The following C20orf203 variants were observed in gnomAD, a reference collection of about 807,000 sequenced individuals.
The protein encoded by C20orf203 is chromosome 20 open reading frame 203.
In C20orf203, 16 loss-of-function variants were observed where a neutral mutation model predicts 15.9. The observed-to-expected ratio is 1.01, with a 90% CI of 0.68 to 1.53. The LOEUF is 1.53. Ranked by LOEUF, C20orf203 falls within the 40% of genes most tolerant of loss-of-function variation. The pLI is 0.00. For synonymous variants in C20orf203, 98 were observed against 97.2 expected (o/e 1.01, Z -0.05); for missense variants, 263 against 247.5 (o/e 1.06, Z -0.42).
intron 1 of C20orf203, among the ~76,000 whole-genome samples, chr20:32,668,977 G>T (rs1027611145): frequency 6.6e-6 from 1 of 152,014 alleles, no homozygotes; most frequent in Non-Finnish European, 1.5e-5. Flanking sequence ...GATGGTACAA[G>T]ACTCATCTCT....
rs117319473 is a variant in C20orf203 at position 32,653,674 on chromosome 20, G to A, written c.-263-1693C>T. Among the ~76,000 whole-genome samples the A allele has an allele frequency of 9.3e-3, 1,413 of 152,232 alleles. 11 individuals are homozygous for A. The highest frequency in any genetic ancestry group is 0.019 in the South Asian group (93 of 4,818). ...ACAAGACAAGGATGTCCACTCTTAC[G>A]GCAAAGTTGAATTCACGACTTGTAT... On this transcript the variant is annotated intron_variant, in intron 1 of 5. Coordinates refer to ENST00000608990, the MANE Select transcript of C20orf203 (RefSeq NM_182584.4).
intron 4 of C20orf203, among the ~76,000 whole-genome samples, chr20:32,642,239 A>G (rs2063012646): frequency 6.6e-6 from 1 of 152,198 alleles, no homozygotes; most frequent in Admixed American, 6.5e-5. Flanking sequence ...GACACTGCAC[A>G]CACCCCCATG....
At chr20:32,664,114 G>A (rs1982962924) in intron 1 of C20orf203, among the ~76,000 whole-genome samples, 1 of 152,212 alleles carries the variant, frequency 6.6e-6, no homozygotes, top group Non-Finnish European at 1.5e-5. Context: ...ATGTGGGAGT[G>A]GAGCACCCAG....
At chr20:32,673,185 G>T (rs1983213822) in intron 1 of C20orf203, among the ~76,000 whole-genome samples, 1 of 152,160 alleles carries the variant, frequency 6.6e-6, no homozygotes, top group East Asian at 1.9e-4. Flanking sequence ...CTCCTGAGGA[G>T]CCCCAGGGCT....
At position 32,655,251 on chromosome 20, in the gene C20orf203, G is replaced by GA. The variant is rs549175572; in HGVS notation, c.-263-3271dup. On this transcript the variant is annotated intron_variant, in intron 1 of 5. Transcript: ENST00000608990. The stretch of plus-strand genomic sequence containing the variant: ...GATACCAAAAGCACAAGCAACCAAA[G>GA]AAAAAATAGACTAGGCTTCATCAGA... Among the ~76,000 whole-genome samples, 813 of 152,160 alleles carry GA rather than the reference G, an allele frequency of 5.3e-3. 8 individuals carry two copies. The highest frequency in any genetic ancestry group is 0.018 in the African/African-American group (762 of 41,520).
intron 5 of C20orf203, among the ~76,000 whole-genome samples, chr20:32,639,555 C>T (rs768919312): frequency 2.5e-4 from 37 of 151,000 alleles, no homozygotes; most frequent in South Asian, 4.2e-4. Flanking sequence ...GCTGGAGGAT[C>T]GCTTGAGCAC....
chr20:32,634,347 C>A, intron 5 of C20orf203, 77 bp from the exon 6 acceptor site: 2 of 397,042 alleles, frequency 5.0e-6, no homozygotes, highest in Non-Finnish European at 8.9e-6. Flanking sequence ...ATGGACAAAG[C>A]GGTGGAAGAC....
intron 1 of C20orf203, among the ~76,000 whole-genome samples, chr20:32,663,197 C>T (rs6058793): frequency 7.9e-5 from 12 of 152,050 alleles, no homozygotes; most frequent in African/African-American, 2.4e-4. Flanking sequence ...ATCCACCCAC[C>T]TCGGCCTCCC....
At chr20:32,654,773 G>C (rs1335821299) in intron 1 of C20orf203, among the ~76,000 whole-genome samples, 29 of 152,178 alleles carry the variant, frequency 1.9e-4, no homozygotes, top group Admixed American at 1.9e-3. Flanking sequence ...GAACCTGGGA[G>C]GTAGAGATTG....
At chr20:32,653,103 T>C (rs1480942302) in intron 1 of C20orf203, among the ~76,000 whole-genome samples, 1 of 152,184 alleles carries the variant, frequency 6.6e-6, no homozygotes, top group Non-Finnish European at 1.5e-5. Flanking sequence ...GGGCGCCCTC[T>C]GGTGGCTCCT....
intron 1 of C20orf203, among the ~76,000 whole-genome samples, chr20:32,660,889 T>A (rs1262492779): frequency 2.0e-5 from 3 of 151,898 alleles, no homozygotes; most frequent in Non-Finnish European, 4.4e-5. Context: ...AAGCCCCTTA[T>A]AAAAATCATC....
At position 32,673,738 on chromosome 20, in the gene C20orf203, A is replaced by T. The variant is rs192444721; in HGVS notation, c.-370T>A. On this transcript the variant is annotated 5_prime_UTR_variant, in exon 1 of 6. An upstream start codon of the reference 5' UTR is lost. Transcript: ENST00000608990. ...GAGATTCTTCAAGGGCACATAAAAC[A>T]TATCTGCCTTTGCTCACTGTGATGT... 1 of 152,326 alleles carries T rather than the reference A, an allele frequency of 6.6e-6. No individual in the cohort carries two copies. Among genetic ancestry groups the T allele is most frequent in the Non-Finnish European group, 1.5e-5 (1 of 68,084 alleles). 9.4% of individuals were successfully genotyped at this position (152,326 alleles called of 1,614,324 possible).
intron 4 of C20orf203, among the ~76,000 whole-genome samples, chr20:32,645,340 C>T (rs1325760051): frequency 6.6e-6 from 1 of 152,190 alleles, no homozygotes; most frequent in Non-Finnish European, 1.5e-5. Context: ...GCCTGGCATC[C>T]CGCCCGGCTC....
At chr20:32,652,373 G>A (rs1600934198) in intron 1 of C20orf203, among the ~76,000 whole-genome samples, 1 of 151,696 alleles carries the variant, frequency 6.6e-6, no homozygotes, top group East Asian at 1.9e-4. Context: ...CATCAGAGGG[G>A]GCCCAGCAGC....
intron 1 of C20orf203, among the ~76,000 whole-genome samples, chr20:32,653,989 A>C (rs1250276288): frequency 6.6e-6 from 1 of 151,940 alleles, no homozygotes. Context: ...GCTACTCAGG[A>C]GGCTGAAGCA....
intron 1 of C20orf203, among the ~76,000 whole-genome samples, chr20:32,666,802 T>TATATATATATATATATATATATAC: frequency 1.1e-5 from 1 of 94,894 alleles, no homozygotes; most frequent in South Asian, 3.3e-4. Flanking sequence ...TTAATTTATA[T>TATATATATATATATATATATATAC]ATATATATAT....
chr20:32,641,111 G>C (rs1259237368), intron 4 of C20orf203, among the ~76,000 whole-genome samples: 1 of 151,902 alleles, frequency 6.6e-6, no homozygotes. Context: ...TTGAGGCCAG[G>C]AGTTCGAGAC....
chr20:32,638,865 C>T (rs900384165), intron 5 of C20orf203, among the ~76,000 whole-genome samples: 2 of 124,244 alleles, frequency 1.6e-5, no homozygotes, highest in Admixed American at 7.6e-5. Flanking sequence ...TCCTCCTGCG[C>T]TCCCGGCAAT....
intron 4 of C20orf203, among the ~76,000 whole-genome samples, chr20:32,646,358 A>G (rs539868709): frequency 5.0e-4 from 76 of 152,120 alleles, no homozygotes; most frequent in African/African-American, 1.7e-3. Flanking sequence ...GGCACATGAC[A>G]CCACGCCTTG....
Sources: gnomAD v4.1 joint callset for allele counts (sites outside exome capture counted in the v4.1 genomes callset) on GRCh38, gnomAD v4.1.1 for gene constraint, MANE v1.5 for transcripts, NCBI Gene and HGNC (gene_info 2026-07-23, HGNC 2026-07-21) for gene names.